Variants in FHIT observed in about 807,000 individuals in gnomAD.
FHIT encodes fragile histidine triad diadenosine triphosphatase.
Under a neutral mutation model 17.9 loss-of-function variants are expected in FHIT, and 19 were observed. The ratio of observed to expected loss-of-function variants is 1.06; its 90% CI spans 0.74 to 1.56. The LOEUF (loss-of-function observed/expected upper bound fraction) is 1.56. FHIT is among the 40% of genes most tolerant of loss of function. The pLI, the probability that FHIT is intolerant of heterozygous loss-of-function variation, is 0.00. For synonymous variants in FHIT, 81 were observed against 69.7 expected (o/e 1.16, Z -0.81); for missense variants, 248 against 189.2 (o/e 1.31, Z -1.82).
At chr3:60,679,287 C>A (rs141584821) in intron 4 of FHIT, among the ~76,000 whole-genome samples, 2 of 152,120 alleles carry the variant, frequency 1.3e-5, no homozygotes, top group Non-Finnish European at 2.9e-5. Context: ...AAAAGTCCTA[C>A]CCATTTTAGA....
At chr3:60,483,219 C>T (rs974595568) in intron 5 of FHIT, among the ~76,000 whole-genome samples, 1 of 152,020 alleles carries the variant, frequency 6.6e-6, no homozygotes, top group Non-Finnish European at 1.5e-5. Flanking sequence ...CCCAAGGCCA[C>T]ATGGATTCAC....
At chr3:61,249,990 A>ACACACACACACACACACAC (rs1560111601) in intron 1 of FHIT, among the ~76,000 whole-genome samples, 1 of 119,514 alleles carries the variant, frequency 8.4e-6, no homozygotes, top group Non-Finnish European at 1.7e-5. Context: ...ACACACACAC[A>ACACACACACACACACACAC]AACCCTAGAC....
At chr3:59,945,210 G>C (rs1706740118) in intron 7 of FHIT, among the ~76,000 whole-genome samples, 1 of 152,074 alleles carries the variant, frequency 6.6e-6, no homozygotes, top group South Asian at 2.1e-4. Flanking sequence ...GTTAGTAATA[G>C]CCATTCTGAA....
chr3:60,876,772 G>A (rs1013843933), intron 3 of FHIT, among the ~76,000 whole-genome samples: 1 of 152,168 alleles, frequency 6.6e-6, no homozygotes, highest in African/African-American at 2.4e-5. Flanking sequence ...CCCTTCCACA[G>A]TGACAGCCAA....
chr3:60,150,355 T>C (rs1490000037), intron 5 of FHIT, among the ~76,000 whole-genome samples: 1 of 152,262 alleles, frequency 6.6e-6, no homozygotes, highest in East Asian at 1.9e-4. Flanking sequence ...TCCTTGGGTA[T>C]AAAATATATT....
intron 4 of FHIT, among the ~76,000 whole-genome samples, chr3:60,647,680 A>G (rs1325873011): frequency 1.3e-5 from 2 of 152,224 alleles, no homozygotes; most frequent in Non-Finnish European, 2.9e-5. Flanking sequence ...TGATTGCTGG[A>G]TAACTCTTCA....
At chr3:59,821,090 G>C (rs1044887208) in intron 8 of FHIT, among the ~76,000 whole-genome samples, 1 of 152,162 alleles carries the variant, frequency 6.6e-6, no homozygotes, top group Non-Finnish European at 1.5e-5. Flanking sequence ...GAGAGGTGGG[G>C]CTGGAGGTCA....
At position 60,124,007 on chromosome 3, in the gene FHIT, TATAGAG is replaced by T. The variant is rs1204813030; in HGVS notation, c.104-109861_104-109856del. On this transcript the variant is annotated intron_variant, in intron 5 of 9. Transcript: ENST00000492590. Reference sequence around the variant, plus strand: ...ATATATATATATATATATATATATATATAGAGAGAGAGAGAGAGAGAGAGAGAGAGA... The same window carrying T: ...ATATATATATATATATATATATATATAGAGAGAGAGAGAGAGAGAGAGAGA... 3.4e-4 allele frequency among the ~76,000 whole-genome samples: 6 copies of T among 17,772 alleles called. No individual in the cohort carries two copies. In the East Asian group the frequency reaches 5.3e-3, roughly 16 times the overall value. The allele number at this position is 17,772 out of a possible 152,430, so 11.7% of individuals were successfully genotyped here. A position where few individuals can be genotyped will look rare whatever the true frequency, so the allele number is the denominator to read the frequency against.
chr3:60,377,422 G>A (rs902994441), intron 5 of FHIT, among the ~76,000 whole-genome samples: 12 of 143,810 alleles, frequency 8.3e-5, no homozygotes, highest in Non-Finnish European at 1.3e-4. Flanking sequence ...CTCCCAAAGT[G>A]CTGGGATTAC....
Position 60,027,721 on chromosome 3 carries a change from T to TAAA in FHIT, c.104-13572_104-13570dup, listed in dbSNP as rs11433582. 6.2e-3 allele frequency among the ~76,000 whole-genome samples: 903 copies of TAAA among 144,644 alleles called. 9 individuals carry two copies. The highest frequency in any genetic ancestry group is 0.018 in the East Asian group (90 of 4,986). The allele number at this position is 144,644 out of a possible 152,430, so 94.9% of individuals were successfully genotyped here. ...ATCTCTTCTGGTTCCATTTAGTTTATAAAAAAAAAAAAAAGAATAATTCAG... is the reference window on the plus strand; with the variant it reads ...ATCTCTTCTGGTTCCATTTAGTTTATAAAAAAAAAAAAAAAAAGAATAATTCAG... On this transcript the variant is annotated intron_variant, in intron 5 of 9. Coordinates refer to ENST00000492590, the MANE Select transcript of FHIT (RefSeq NM_002012.4).
At chr3:61,251,059 C>T (rs1036561065) in intron 1 of FHIT, among the ~76,000 whole-genome samples, 1 of 152,184 alleles carries the variant, frequency 6.6e-6, no homozygotes, top group East Asian at 1.9e-4. Context: ...CTCAGTTTCC[C>T]CAATGTATAA....
At chr3:59,757,262 G>A (rs1250835880) in intron 8 of FHIT, among the ~76,000 whole-genome samples, 1 of 152,196 alleles carries the variant, frequency 6.6e-6, no homozygotes, top group African/African-American at 2.4e-5. Flanking sequence ...TCAACAGACT[G>A]AAGTCTGTGA....
chr3:60,596,697 A>G (rs1380821161), intron 4 of FHIT, among the ~76,000 whole-genome samples: 2 of 152,064 alleles, frequency 1.3e-5, no homozygotes, highest in African/African-American at 4.8e-5. Flanking sequence ...CCACCTTTAT[A>G]TCTCCAAGTC....
At chr3:60,265,198 G>A (rs964556290) in intron 5 of FHIT, among the ~76,000 whole-genome samples, 1 of 151,910 alleles carries the variant, frequency 6.6e-6, no homozygotes, top group African/African-American at 2.4e-5. Context: ...CAACATTTCT[G>A]CTGAAGTACA....
chr3:60,413,256 T>C (rs943313212), intron 5 of FHIT, among the ~76,000 whole-genome samples: 4 of 151,994 alleles, frequency 2.6e-5, no homozygotes, highest in South Asian at 2.1e-4. Flanking sequence ...GGGAAAGACA[T>C]CAAAGAGTTA....
intron 5 of FHIT, among the ~76,000 whole-genome samples, chr3:60,373,913 G>A (rs1700438645): frequency 1.3e-5 from 2 of 152,154 alleles, no homozygotes; most frequent in Admixed American, 6.5e-5. Flanking sequence ...ACTTGGTTCT[G>A]GTGGTTCAGG....
rs35183064 is a variant in FHIT at position 60,911,371 on chromosome 3, GCACACACACA to G, written c.-110-89370_-110-89361del. Among the ~76,000 whole-genome samples, 122 of 149,054 alleles carry G rather than the reference GCACACACACA, an allele frequency of 8.2e-4. 1 individual carries two copies. In the South Asian group the frequency reaches 8.3e-3, roughly 10 times the overall value. ...AGAGTTCCATTTAAATTCTTTGCAT[GCACACACACA>G]CACACACACACACACACCCTTCCAC... On this transcript the variant is annotated intron_variant, in intron 3 of 9. Coordinates refer to ENST00000492590, the MANE Select transcript of FHIT (RefSeq NM_002012.4).
rs370046251 is a variant in FHIT, at chr3:60,859,136, T to A, written c.-110-37125A>T. ...CTATTTCATAAAAATAAAGCCCCAC[T>A]AAGAGCAGTATTCAATTCCTATCCC... On this transcript the variant is annotated intron_variant, in intron 3 of 9. Coordinates refer to ENST00000492590, the MANE Select transcript of FHIT (RefSeq NM_002012.4). Among the ~76,000 whole-genome samples the A allele has an allele frequency of 3.9e-5, 6 of 152,266 alleles. No homozygotes were observed. The East Asian group carries it at 7.7e-4, about 20-fold the overall frequency.
intron 5 of FHIT, among the ~76,000 whole-genome samples, chr3:60,509,249 G>C (rs1559501434): frequency 6.6e-6 from 1 of 152,196 alleles, no homozygotes; most frequent in Non-Finnish European, 1.5e-5. Context: ...ATCCTGAGGA[G>C]ACTGTCATTA....
Sources: gnomAD v4.1 joint callset for allele counts (sites outside exome capture counted in the v4.1 genomes callset) on GRCh38, gnomAD v4.1.1 for gene constraint, MANE v1.5 for transcripts, NCBI Gene and HGNC (gene_info 2026-07-23, HGNC 2026-07-21) for gene names.